The following TTLL11 variants were observed in gnomAD, a reference collection of about 807,000 sequenced individuals.
TTLL11 encodes the protein tubulin tyrosine ligase like 11, also known as tubulin polyglutamylase TTLL11.
TTLL11 carries 42 observed loss-of-function variants against 51.7 expected under a neutral mutation model. That is an observed-to-expected ratio of 0.81 (90% CI 0.64 to 1.05). The LOEUF (loss-of-function observed/expected upper bound fraction) is 1.05, where lower values mean the gene tolerates loss of function less well. TTLL11 is among the 50% of genes least tolerant of loss of function. The pLI is 0.00. For missense variants in TTLL11, 799 were observed against 940.4 expected (o/e 0.85, Z 1.97); for synonymous variants, 381 against 383.5 (o/e 0.99, Z 0.08).
intron 6 of TTLL11, among the ~76,000 whole-genome samples, chr9:121,946,130 T>G (rs1841652583): frequency 6.6e-6 from 1 of 152,192 alleles, no homozygotes; most frequent in South Asian, 2.1e-4. Flanking sequence ...TTTGTTGAAT[T>G]AAGACAAACA....
chr9:122,084,752 T>C (rs1846080475), intron 1 of TTLL11, among the ~76,000 whole-genome samples: 1 of 152,188 alleles, frequency 6.6e-6, no homozygotes, highest in Non-Finnish European at 1.5e-5. Context: ...TAGCTAGTAT[T>C]TTATACTCAG....
intron 6 of TTLL11, among the ~76,000 whole-genome samples, chr9:121,941,803 T>C (rs1841482692): frequency 6.6e-6 from 1 of 152,252 alleles, no homozygotes; most frequent in South Asian, 2.1e-4. Context: ...CTCCTCTGTG[T>C]TCCCTGCCTC....
chr9:121,924,971 A>AT (rs1840670181), intron 6 of TTLL11, among the ~76,000 whole-genome samples: 1 of 152,238 alleles, frequency 6.6e-6, no homozygotes, highest in East Asian at 1.9e-4. Context: ...CAAAATATTG[A>AT]TTTTGTTTCT....
intron 3 of TTLL11, among the ~76,000 whole-genome samples, chr9:122,016,807 C>T (rs1356315305): frequency 6.6e-6 from 1 of 152,134 alleles, no homozygotes; most frequent in East Asian, 1.9e-4. Context: ...AACTCTTTCA[C>T]CATAATAAAT....
intron 6 of TTLL11, among the ~76,000 whole-genome samples, chr9:121,899,365 G>GTGTATATATATAAATATATA (rs1226221957): frequency 8.8e-6 from 1 of 113,242 alleles, no homozygotes. Context: ...ATGTGTGTGT[G>GTGTATATATATAAATATATA]TATATATATA....
intron 3 of TTLL11, among the ~76,000 whole-genome samples, chr9:122,006,266 A>G (rs749197092): frequency 6.6e-6 from 1 of 151,914 alleles, no homozygotes; most frequent in Non-Finnish European, 1.5e-5. Flanking sequence ...GCTTGATCCC[A>G]GGAGGCAGAG....
intron 6 of TTLL11, among the ~76,000 whole-genome samples, chr9:121,917,226 T>C (rs1285881556): frequency 6.6e-6 from 1 of 151,976 alleles, no homozygotes; most frequent in East Asian, 1.9e-4. Context: ...CCAGTGCTTT[T>C]GAGAGGCCGA....
intron 7 of TTLL11, among the ~76,000 whole-genome samples, chr9:121,860,773 C>T (rs1837982289): frequency 6.6e-6 from 1 of 152,220 alleles, no homozygotes; most frequent in Admixed American, 6.5e-5. Context: ...CTACCAGCAC[C>T]TTGATCTTGG....
chr9:121,979,987 C>T (rs1842794344), intron 4 of TTLL11, among the ~76,000 whole-genome samples: 2 of 151,054 alleles, frequency 1.3e-5, no homozygotes, highest in Non-Finnish European at 2.9e-5. Flanking sequence ...CTGGGCACTA[C>T]TAGATACCAG....
chr9:122,074,077 A>T (rs1024048899), intron 1 of TTLL11, among the ~76,000 whole-genome samples: 1 of 152,050 alleles, frequency 6.6e-6, no homozygotes, highest in Non-Finnish European at 1.5e-5. Context: ...GTTTGAGACC[A>T]GCTTGGCCAG....
chr9:122,007,468 T>A (rs1843688228), intron 3 of TTLL11, among the ~76,000 whole-genome samples: 1 of 125,218 alleles, frequency 8.0e-6, no homozygotes. Flanking sequence ...AGAGTGAAAT[T>A]CCATCTCAAA....
At chr9:122,018,422 C>A (rs562469288) in intron 3 of TTLL11, among the ~76,000 whole-genome samples, 19 of 152,164 alleles carry the variant, frequency 1.2e-4, no homozygotes, top group African/African-American at 4.3e-4. Context: ...AGTAATAATG[C>A]CATATTCTTA....
intron 8 of TTLL11, among the ~76,000 whole-genome samples, chr9:121,826,296 G>A (rs1300935715): frequency 2.2e-4 from 20 of 90,232 alleles, no homozygotes; most frequent in Non-Finnish European, 4.0e-5. Context: ...GTGTGTGGGT[G>A]TATATATATA....
intron 6 of TTLL11, chr9:121,884,615 C>T (rs1007457546): frequency 6.6e-6 from 1 of 152,172 alleles, no homozygotes; most frequent in African/African-American, 2.4e-5. Flanking sequence ...GGCAAATGCA[C>T]CCCCCTTGCC....
intron 8 of TTLL11, among the ~76,000 whole-genome samples, chr9:121,841,208 A>G (rs1195162760): frequency 6.6e-6 from 1 of 152,174 alleles, no homozygotes; most frequent in African/African-American, 2.4e-5. Context: ...CAAGCAGCAC[A>G]GGACGTGTGG....
chr9:122,093,180 ACCGCCGCCG>A lies in TTLL11; in HGVS notation c.-41_-33del, dbSNP rs752683967. 1,081 of 1,486,028 alleles carry A rather than the reference ACCGCCGCCG, an allele frequency of 7.3e-4. 10 individuals are homozygous for A. Among genetic ancestry groups the A allele is most frequent in the Non-Finnish European group, 3.3e-4 (369 of 1,125,878 alleles). The allele number at this position is 1,486,028 out of a possible 1,614,324, so 92.1% of individuals were successfully genotyped here. On this transcript the variant is annotated 5_prime_UTR_variant, in exon 1 of 9. Coordinates refer to ENST00000321582, the MANE Select transcript of TTLL11 (RefSeq NM_001139442.2). ...CAGGGCCGGGGCCAGTGCCAGTGCC[ACCGCCGCCG>A]CCGCCGCCGCTCCGCCGCCCCAGTC...
rs1588186725 is a variant in TTLL11 at position 121,995,067 on chromosome 9, CA to C, written c.694-5298del. Among the ~76,000 whole-genome samples the C allele has an allele frequency of 6.6e-6, 1 of 152,288 alleles. No individual in the cohort carries two copies. Among genetic ancestry groups the C allele is most frequent in the East Asian group, 1.9e-4 (1 of 5,164 alleles). On this transcript the variant is annotated intron_variant, in intron 3 of 8. Transcript: ENST00000321582. This position sits in a 1 kb window ranked among gnomAD's most constrained non-coding sequence, Gnocchi z 4.4. Reference sequence around the variant, plus strand: ...GAGCTGCACAGAGGACCCTGGAGGGCACGCACCTAGAGAGGTTTGTGGTCCC... The same window carrying C: ...GAGCTGCACAGAGGACCCTGGAGGGCCGCACCTAGAGAGGTTTGTGGTCCC...
At chr9:122,055,190 G>T in intron 1 of TTLL11, among the ~76,000 whole-genome samples, 1 of 117,172 alleles carries the variant, frequency 8.5e-6, no homozygotes, top group East Asian at 2.7e-4. Flanking sequence ...TCTCTAGAAA[G>T]ACAGGACTAA....
intron 6 of TTLL11, among the ~76,000 whole-genome samples, chr9:121,933,967 C>T (rs573810418): frequency 1.8e-4 from 27 of 152,314 alleles, no homozygotes; most frequent in African/African-American, 6.0e-4. Context: ...CTGTGGCTCA[C>T]GCCTGTAATC....
Sources: gnomAD v4.1 joint callset for allele counts (sites outside exome capture counted in the v4.1 genomes callset) on GRCh38, gnomAD v4.1.1 for gene constraint, Gnocchi (gnomAD v3.1) non-coding constraint, MANE v1.5 for transcripts, NCBI Gene and HGNC (gene_info 2026-07-23, HGNC 2026-07-21) for gene names.